Variants in CCL17 observed in about 807,000 individuals in gnomAD.
CCL17 encodes the protein C-C motif chemokine ligand 17.
In CCL17, 8 loss-of-function variants were observed where a neutral mutation model predicts 7.4. The ratio of observed to expected loss-of-function variants is 1.09; its 90% CI spans 0.64 to 1.96. The LOEUF is 1.96. CCL17 is among the 30% of genes most tolerant of loss of function. The pLI, the probability that CCL17 is intolerant of heterozygous loss-of-function variation, is 0.00. For missense variants in CCL17, 102 were observed against 113.0 expected (o/e 0.90, Z 0.44); for synonymous variants, 40 against 46.1 (o/e 0.87, Z 0.54).
At chr16:57,397,625 A>G in the CCL17 span, among the ~76,000 whole-genome samples, 1 of 152,204 alleles carries the variant, frequency 6.6e-6, no homozygotes, top group African/African-American at 2.4e-5. Context: ...ACTGCATGCG[A>G]TAACTCCATG....
upstream of CCL17, among the ~76,000 whole-genome samples, chr16:57,399,969 G>A (rs1279454834): frequency 2.0e-5 from 3 of 152,142 alleles, no homozygotes; most frequent in African/African-American, 7.2e-5. Context: ...ATCGAGTGCT[G>A]CAACCAAGCA....
intron 1 of CCL17, among the ~76,000 whole-genome samples, chr16:57,409,310 T>C (rs1902748206): frequency 6.6e-6 from 1 of 152,200 alleles, no homozygotes; most frequent in Admixed American, 6.5e-5. Flanking sequence ...GTACGAAGGC[T>C]TGGGCATCAG....
chr16:57,415,673 T>G lies in CCL17; in HGVS notation c.189-92T>G, dbSNP rs2146543380. 1 of 799,766 alleles carries G rather than the reference T, an allele frequency of 1.3e-6. No individual in the cohort carries two copies. Among genetic ancestry groups the G allele is most frequent in the Non-Finnish European group, 2.2e-6 (1 of 455,860 alleles). The allele number at this position is 799,766 out of a possible 1,614,324, so 49.5% of individuals were successfully genotyped here. ...CAACTTCCTGCCCCTCTTGGAGCCT[T>G]GGAATCCTGGTCAGCACAGGGCGGG... is the stretch of plus-strand genomic sequence containing the variant. On this transcript the variant is annotated intron_variant, in intron 3 of 3. Transcript: ENST00000219244. The surrounding 1 kb of genome is among the most constrained non-coding windows in gnomAD (Gnocchi z 4.5).
At chr16:57,414,530 T>C (rs1381228943) in intron 2 of CCL17, among the ~76,000 whole-genome samples, 1 of 139,824 alleles carries the variant, frequency 7.2e-6, no homozygotes, top group Non-Finnish European at 1.5e-5. Flanking sequence ...GCGATTCTCC[T>C]GCCTCAGCCT....
upstream of CCL17, among the ~76,000 whole-genome samples, chr16:57,403,037 A>G (rs1379390930): frequency 7.4e-6 from 1 of 135,700 alleles, no homozygotes; most frequent in Non-Finnish European, 1.5e-5. Flanking sequence ...AAAAAAAAAA[A>G]AGAGCAGAGG....
chr16:57,403,466 A>G (rs1223348324), upstream of CCL17, among the ~76,000 whole-genome samples: 4 of 1,938 alleles, frequency 2.1e-3, 1 homozygote, highest in African/African-American at 2.8e-3. Flanking sequence ...AATATATATT[A>G]TATTATATAT....
upstream of CCL17, among the ~76,000 whole-genome samples, chr16:57,402,684 C>T (rs1598008278): frequency 6.6e-6 from 1 of 152,222 alleles, no homozygotes; most frequent in Middle Eastern, 3.4e-3. Flanking sequence ...ATTTACAAGG[C>T]TTGAGTGGAA....
intron 1 of CCL17, among the ~76,000 whole-genome samples, chr16:57,409,459 G>A (rs762996435): frequency 1.9e-4 from 29 of 152,196 alleles, no homozygotes; most frequent in Non-Finnish European, 3.7e-4. Context: ...GAGAGTAACG[G>A]GGAGGCATTG....
chr16:57,403,551 T>A (rs555732960), upstream of CCL17, among the ~76,000 whole-genome samples: 56 of 31,854 alleles, frequency 1.8e-3, 2 homozygotes, highest in African/African-American at 9.6e-3. Context: ...AATATATATT[T>A]TATATATATA....
At chr16:57,396,408 A>G in the CCL17 span, among the ~76,000 whole-genome samples, 1 of 152,222 alleles carries the variant, frequency 6.6e-6, no homozygotes, top group African/African-American at 2.4e-5. Context: ...ATACTCCTAG[A>G]GTACTTGCCA....
upstream of CCL17, among the ~76,000 whole-genome samples, chr16:57,404,269 T>C (rs1427055047): frequency 6.6e-6 from 1 of 152,166 alleles, no homozygotes; most frequent in Non-Finnish European, 1.5e-5. Flanking sequence ...CCTCTGCTGC[T>C]GTGCTGAGAA....
intron 1 of CCL17, among the ~76,000 whole-genome samples, chr16:57,405,334 G>A (rs936683596): frequency 4.6e-5 from 7 of 152,180 alleles, no homozygotes; most frequent in African/African-American, 1.4e-4. Context: ...GAGATGAGAA[G>A]GAAGCAAGGA....
upstream of CCL17, among the ~76,000 whole-genome samples, chr16:57,400,353 C>T (rs140220464): frequency 5.3e-5 from 8 of 151,382 alleles, no homozygotes; most frequent in South Asian, 2.1e-4. Flanking sequence ...AGCGAGACTC[C>T]GTCTCAAAAA....
At chr16:57,400,727 G>T (rs546890150), upstream of CCL17, among the ~76,000 whole-genome samples, 1 of 152,280 alleles carries the variant, frequency 6.6e-6, no homozygotes, top group Non-Finnish European at 1.5e-5. Flanking sequence ...CCAGCACTTT[G>T]GGAGGCCAAC....
chr16:57,406,908 A>G (rs1350885971), intron 1 of CCL17, among the ~76,000 whole-genome samples: 1 of 152,146 alleles, frequency 6.6e-6, no homozygotes, highest in Admixed American at 6.6e-5. Flanking sequence ...ATCACTGCCC[A>G]ATGTAAGGCA....
chr16:57,407,006 T>G (rs1427709003), intron 1 of CCL17, among the ~76,000 whole-genome samples: 1 of 152,114 alleles, frequency 6.6e-6, no homozygotes, highest in African/African-American at 2.4e-5. Context: ...GCCACATTGC[T>G]GAGGATTAAT....
intron 1 of CCL17, among the ~76,000 whole-genome samples, chr16:57,405,715 T>A (rs1311779728): frequency 6.6e-6 from 1 of 151,762 alleles, no homozygotes; most frequent in African/African-American, 2.4e-5. Flanking sequence ...TAGTTACTGG[T>A]CAGGGCTGGA....
intron 1 of CCL17, among the ~76,000 whole-genome samples, chr16:57,406,835 A>G (rs1902703326): frequency 6.6e-6 from 1 of 152,168 alleles, no homozygotes; most frequent in African/African-American, 2.4e-5. Context: ...CACAACCAGG[A>G]ACAAGTAGAA....
chr16:57,410,141 G>C (rs1452569553), intron 1 of CCL17, among the ~76,000 whole-genome samples: 3 of 152,174 alleles, frequency 2.0e-5, no homozygotes, highest in South Asian at 2.1e-4. Context: ...CTGTGACTGA[G>C]AGCATCCTGG....
Sources: gnomAD v4.1 joint callset for allele counts (sites outside exome capture counted in the v4.1 genomes callset) on GRCh38, gnomAD v4.1.1 for gene constraint, Gnocchi (gnomAD v3.1) non-coding constraint, MANE v1.5 for transcripts, NCBI Gene and HGNC (gene_info 2026-07-23, HGNC 2026-07-21) for gene names.